The following HYCC1 variants were observed in gnomAD, a reference collection of about 807,000 sequenced individuals.
HYCC1 encodes hyccin.
the HYCC1 span, chr7:22,945,335 A>G: frequency 1.1e-5 from 6 of 528,778 alleles, no homozygotes; most frequent in Non-Finnish European, 2.0e-5. Flanking sequence ...TCTTAGGGCA[A>G]CAATAACAAA....
the HYCC1 span, chr7:22,978,245 T>C: frequency 6.2e-7 from 1 of 1,609,588 alleles, no homozygotes; most frequent in Non-Finnish European, 8.5e-7. Context: ...AAAAAAGATT[T>C]TGTTAACTCC....
At chr7:22,971,821 T>C in the HYCC1 span, among the ~76,000 whole-genome samples, 2 of 152,296 alleles carry the variant, frequency 1.3e-5, no homozygotes, top group African/African-American at 2.4e-5. Context: ...TGTTCTGCTC[T>C]TTAAGAGCTT....
At chr7:22,926,049 T>A in the HYCC1 span, among the ~76,000 whole-genome samples, 3 of 152,258 alleles carry the variant, frequency 2.0e-5, no homozygotes, top group South Asian at 6.2e-4. Context: ...AAGAAAAGAA[T>A]TTTCAACCCA....
the HYCC1 span, among the ~76,000 whole-genome samples, chr7:22,993,016 G>A: frequency 6.6e-6 from 1 of 152,122 alleles, no homozygotes; most frequent in Non-Finnish European, 1.5e-5. Context: ...TTAAGCCAGT[G>A]GTGGCACTGT....
chr7:22,964,391 T>C, the HYCC1 span: 1 of 1,256,774 alleles, frequency 8.0e-7, no homozygotes, highest in Non-Finnish European at 1.2e-6. Context: ...TAAATGTTTA[T>C]TTCGCATATG....
the HYCC1 span, among the ~76,000 whole-genome samples, chr7:22,931,554 A>T: frequency 6.6e-6 from 1 of 152,156 alleles, no homozygotes; most frequent in African/African-American, 2.4e-5. Flanking sequence ...CATGATAGAA[A>T]ACCTAAATTG....
chr7:23,002,136 G>GTATATATA, the HYCC1 span, among the ~76,000 whole-genome samples: 121 of 76,558 alleles, frequency 1.6e-3, 2 homozygotes, highest in Non-Finnish European at 2.2e-3. Flanking sequence ...GGTAAAAATT[G>GTATATATA]TATATATATA....
the HYCC1 span, among the ~76,000 whole-genome samples, chr7:22,922,456 G>C: frequency 2.0e-5 from 3 of 152,224 alleles, no homozygotes; most frequent in African/African-American, 7.2e-5. Context: ...ACTTACGTTA[G>C]CATGGCTGGC....
At chr7:23,006,040 A>G in the HYCC1 span, among the ~76,000 whole-genome samples, 1 of 152,136 alleles carries the variant, frequency 6.6e-6, no homozygotes, top group Non-Finnish European at 1.5e-5. Flanking sequence ...CTGATTAACA[A>G]ATCAGCAGGA....
the HYCC1 span, among the ~76,000 whole-genome samples, chr7:22,898,604 C>CTTTTTT: frequency 5.0e-5 from 2 of 39,796 alleles, no homozygotes; most frequent in East Asian, 5.4e-4. Context: ...CTTTTCTTTT[C>CTTTTTT]TTTTTTTTTT....
At chr7:22,947,055 G>A in the HYCC1 span, 1 of 1,550,240 alleles carries the variant, frequency 6.5e-7, no homozygotes, top group South Asian at 1.2e-5. Flanking sequence ...CCTGATCTCT[G>A]GCAAGCCTTT....
chr7:22,976,799 T>C, the HYCC1 span: 3 of 1,607,052 alleles, frequency 1.9e-6, no homozygotes, highest in Non-Finnish European at 2.6e-6. Context: ...ATGGACCCAA[T>C]GCTGGAAGGC....
chr7:22,950,459 T>A, the HYCC1 span, among the ~76,000 whole-genome samples: 2 of 151,984 alleles, frequency 1.3e-5, no homozygotes, highest in African/African-American at 4.8e-5. Flanking sequence ...TTTTGATGAA[T>A]TGAGTGAATA....
chr7:22,901,169 C>A, the HYCC1 span, among the ~76,000 whole-genome samples: 1 of 120,510 alleles, frequency 8.3e-6, no homozygotes, highest in African/African-American at 3.2e-5. Context: ...GGCAGTAAGC[C>A]ATGATTGCAC....
chr7:22,992,263 A>C, the HYCC1 span, among the ~76,000 whole-genome samples: 1 of 152,098 alleles, frequency 6.6e-6, no homozygotes, highest in Admixed American at 6.6e-5. Context: ...TCTCATAAAA[A>C]AACATGATTA....
the HYCC1 span, among the ~76,000 whole-genome samples, chr7:22,970,941 C>A: frequency 6.6e-6 from 1 of 152,138 alleles, no homozygotes. Flanking sequence ...GCCATAACAG[C>A]TATGTCTGTA....
the HYCC1 span, among the ~76,000 whole-genome samples, chr7:22,934,056 A>G: frequency 1.3e-5 from 2 of 152,148 alleles, no homozygotes; most frequent in African/African-American, 4.8e-5. Context: ...TTGTATCTCT[A>G]CAGAGTTCTT....
chr7:22,978,353 A>C, the HYCC1 span: 2 of 1,614,092 alleles, frequency 1.2e-6, no homozygotes, highest in Middle Eastern at 1.6e-4. Flanking sequence ...GGTAGCACCA[A>C]ATTAGTTCTG....
At chr7:22,943,184 A>G in the HYCC1 span, 2 of 151,736 alleles carry the variant, frequency 1.3e-5, no homozygotes, top group South Asian at 4.2e-4. Context: ...TTAGCAATCT[A>G]GAATTCAAAT....
Sources: allele counts gnomAD v4.1 joint callset (sites outside exome capture counted in the v4.1 genomes callset), GRCh38; gene constraint gnomAD v4.1.1; transcripts MANE v1.5; gene names NCBI Gene and HGNC (gene_info 2026-07-23, HGNC 2026-07-21).